The following ACTR3C variants were observed in gnomAD, a reference collection of about 807,000 sequenced individuals.
ACTR3C encodes the protein actin related protein 3C.
A neutral mutation model predicts 26.3 loss-of-function variants in ACTR3C; 18 were observed. That is an observed-to-expected ratio of 0.68 (90% CI 0.47 to 1.01). The LOEUF (loss-of-function observed/expected upper bound fraction) is 1.01, where lower values mean the gene tolerates loss of function less well. ACTR3C is among the 50% of genes least tolerant of loss of function. The pLI is 0.00. For missense variants in ACTR3C, 184 were observed against 250.7 expected (o/e 0.73, Z 1.80); for synonymous variants, 55 against 94.5 (o/e 0.58, Z 2.42).
At chr7:149,903,694 A>G in the ACTR3C span, among the ~76,000 whole-genome samples, 1 of 150,920 alleles carries the variant, frequency 6.6e-6, no homozygotes, top group South Asian at 2.1e-4. Context: ...GGTGAGTGTC[A>G]CTACACGTAG....
At chr7:149,921,658 C>A in the ACTR3C span, among the ~76,000 whole-genome samples, 1 of 152,052 alleles carries the variant, frequency 6.6e-6, no homozygotes, top group African/African-American at 2.4e-5. Flanking sequence ...AGGCAGATCA[C>A]CTGAAGTCAA....
chr7:150,164,180 A>G, the ACTR3C span, among the ~76,000 whole-genome samples: 1 of 152,190 alleles, frequency 6.6e-6, no homozygotes, highest in South Asian at 2.1e-4. Flanking sequence ...TCTGCATGAG[A>G]GACCATGCTC....
At chr7:150,006,193 T>TATTTATTTATTTATTTATTTA in the ACTR3C span, among the ~76,000 whole-genome samples, 3 of 148,760 alleles carry the variant, frequency 2.0e-5, no homozygotes, top group Admixed American at 1.3e-4. Context: ...AGAATTTATT[T>TATTTATTTATTTATTTATTTA]ATTTATTTAT....
At chr7:150,307,156 GT>G (rs1795862094) in intron 1 of ACTR3C, among the ~76,000 whole-genome samples, 1 of 152,236 alleles carries the variant, frequency 6.6e-6, no homozygotes, top group South Asian at 2.1e-4. Flanking sequence ...GATCATGTGG[GT>G]GGGGCACAGC....
chr7:149,989,524 T>C, the ACTR3C span, among the ~76,000 whole-genome samples: 1 of 152,222 alleles, frequency 6.6e-6, no homozygotes, highest in Non-Finnish European at 1.5e-5. Context: ...AGTGACATAA[T>C]GTGGTATTTG....
chr7:150,071,046 A>G, the ACTR3C span, among the ~76,000 whole-genome samples: 3 of 149,938 alleles, frequency 2.0e-5, no homozygotes, highest in Non-Finnish European at 4.4e-5. Flanking sequence ...CACCTACCTC[A>G]GCCTCCCAAA....
chr7:150,129,092 T>G, the ACTR3C span, among the ~76,000 whole-genome samples: 1 of 151,514 alleles, frequency 6.6e-6, no homozygotes, highest in Non-Finnish European at 1.5e-5. Flanking sequence ...GACCTTTAGC[T>G]CAATACTTAT....
At chr7:149,931,404 G>A in the ACTR3C span, among the ~76,000 whole-genome samples, 1 of 152,180 alleles carries the variant, frequency 6.6e-6, no homozygotes, top group Non-Finnish European at 1.5e-5. Flanking sequence ...CAACTCCTGA[G>A]CTCTTATCCA....
chr7:150,158,994 C>T, the ACTR3C span, among the ~76,000 whole-genome samples: 4 of 150,124 alleles, frequency 2.7e-5, no homozygotes, highest in Non-Finnish European at 5.9e-5. Context: ...CACACGCACA[C>T]TCAGGCACGC....
the ACTR3C span, among the ~76,000 whole-genome samples, chr7:149,979,518 A>G: frequency 0.15 from 23,321 of 151,604 alleles, 3,523 homozygotes; most frequent in African/African-American, 0.39. Flanking sequence ...AAGAATCTCT[A>G]ATTAAAAAGA....
At chr7:150,172,244 C>T in the ACTR3C span, among the ~76,000 whole-genome samples, 1 of 150,542 alleles carries the variant, frequency 6.6e-6, no homozygotes, top group Non-Finnish European at 1.5e-5. Flanking sequence ...TAAAGACATA[C>T]CCAAGACTAG....
At chr7:150,280,356 A>G (rs1835219731) in intron 6 of ACTR3C, among the ~76,000 whole-genome samples, 1 of 152,148 alleles carries the variant, frequency 6.6e-6, no homozygotes, top group Non-Finnish European at 1.5e-5. Context: ...GCAGATGTGT[A>G]AATACCCTTC....
chr7:150,143,930 G>A, the ACTR3C span, among the ~76,000 whole-genome samples: 3 of 152,236 alleles, frequency 2.0e-5, no homozygotes. Context: ...GAGATCAGGT[G>A]AGCCTGGGCC....
chr7:150,194,841 C>T, the ACTR3C span, among the ~76,000 whole-genome samples: 1 of 152,070 alleles, frequency 6.6e-6, no homozygotes, highest in East Asian at 1.9e-4. Context: ...CACCTGTAAT[C>T]CCAGCACTTT....
chr7:150,242,158 G>C (rs1398716434), downstream of ACTR3C, among the ~76,000 whole-genome samples: 1 of 151,700 alleles, frequency 6.6e-6, no homozygotes, highest in African/African-American at 2.4e-5. Context: ...GGAGGCTGCA[G>C]TGAGACGAGA....
the ACTR3C span, among the ~76,000 whole-genome samples, chr7:150,041,208 A>C: frequency 0.14 from 14,364 of 102,702 alleles, 53 homozygotes; most frequent in African/African-American, 0.2. Flanking sequence ...CGGGTCCCCG[A>C]CCCCTTTGTG....
At chr7:150,151,078 G>T in the ACTR3C span, among the ~76,000 whole-genome samples, 1 of 101,966 alleles carries the variant, frequency 9.8e-6, no homozygotes, top group East Asian at 6.5e-4. Context: ...ATTATTTTTT[G>T]GCTTTTATTG....
the ACTR3C span, among the ~76,000 whole-genome samples, chr7:150,034,813 T>A: frequency 7.8e-6 from 1 of 128,434 alleles, no homozygotes; most frequent in Middle Eastern, 5.3e-3. Flanking sequence ...CCCCGCCTCG[T>A]GGGGGGTGCC....
chr7:150,039,556 G>T, the ACTR3C span, among the ~76,000 whole-genome samples: 1 of 149,122 alleles, frequency 6.7e-6, no homozygotes, highest in Non-Finnish European at 1.5e-5. Flanking sequence ...AGCCAGGGGG[G>T]GAAGAGGGAC....
Sources: allele counts gnomAD v4.1 joint callset (sites outside exome capture counted in the v4.1 genomes callset), GRCh38; gene constraint gnomAD v4.1.1; transcripts MANE v1.5; gene names NCBI Gene and HGNC (gene_info 2026-07-23, HGNC 2026-07-21).